STK10: variants seen among roughly 807,000 people sequenced by gnomAD.
STK10 encodes the protein serine/threonine-protein kinase 10.
In STK10, 78 loss-of-function variants were observed where a neutral mutation model predicts 113.8. The ratio of observed to expected loss-of-function variants is 0.69; its 90% confidence interval spans 0.57 to 0.83. The LOEUF (loss-of-function observed/expected upper bound fraction) is 0.83, where lower values mean the gene tolerates loss of function less well. STK10 is among the 40% of genes least tolerant of loss of function. STK10 has a pLI of 0.00. For synonymous variants in STK10, 465 were observed against 494.7 expected (o/e 0.94, Z 0.80); for missense variants, 1,109 against 1,280.1 (o/e 0.87, Z 2.04).
chr5:172,157,217 G>A (rs184642115), intron 1 of STK10, among the ~76,000 whole-genome samples: 1 of 152,250 alleles, frequency 6.6e-6, no homozygotes, highest in East Asian at 1.9e-4. Context: ...GGCTGGGGAG[G>A]GGCCAGAAAT....
chr5:172,051,026 T>A (rs1767614927), intron 18 of STK10, among the ~76,000 whole-genome samples: 4 of 151,344 alleles, frequency 2.6e-5, no homozygotes, highest in Admixed American at 2.6e-4. Flanking sequence ...GGCAGGAGAA[T>A]CGCTTGAACC....
chr5:172,104,570 C>G (rs929421369), intron 7 of STK10, among the ~76,000 whole-genome samples: 1 of 152,096 alleles, frequency 6.6e-6, no homozygotes, highest in Non-Finnish European at 1.5e-5. Context: ...AAATGGATGT[C>G]GATGCTGTGT....
Position 172,106,821 on chromosome 5 carries a change from C to A in STK10, c.594-7G>T. 1.2e-6 allele frequency: 2 copies of A among 1,612,646 alleles called. No homozygotes were observed. The highest frequency in any genetic ancestry group is 1.7e-6 in the Non-Finnish European group (2 of 1,179,004). On this transcript the variant is annotated splice_region_variant and splice_polypyrimidine_tract_variant and intron_variant, in intron 5 of 18. Coordinates refer to ENST00000176763, the MANE Select transcript of STK10 (RefSeq NM_005990.4). ...GACCACCTCGGGGGCCATCCTGAACCAACCAAGGGACAACATAGGGCTAAG... is the reference window on the plus strand; with the variant it reads ...GACCACCTCGGGGGCCATCCTGAACAAACCAAGGGACAACATAGGGCTAAG...
At chr5:172,083,823 G>A (rs566262244) in intron 10 of STK10, among the ~76,000 whole-genome samples, 10 of 151,312 alleles carry the variant, frequency 6.6e-5, no homozygotes, top group East Asian at 5.9e-4. Flanking sequence ...CAGGAGAATC[G>A]CTTGAACCTG....
chr5:172,048,951 T>G, intron 18 of STK10, among the ~76,000 whole-genome samples: 1 of 152,058 alleles, frequency 6.6e-6, no homozygotes, highest in East Asian at 1.9e-4. Flanking sequence ...CTCTTCCCTG[T>G]GCTGGGAATG....
chr5:172,114,289 C>CGTGTGTGT (rs111441878), intron 4 of STK10, among the ~76,000 whole-genome samples: 4,778 of 138,626 alleles, frequency 0.034, 88 homozygotes, highest in Middle Eastern at 0.043. Flanking sequence ...TAGCTACTCT[C>CGTGTGTGT]GTGTGTGTGT....
At chr5:172,102,439 G>A (rs919945310) in intron 7 of STK10, among the ~76,000 whole-genome samples, 7 of 152,184 alleles carry the variant, frequency 4.6e-5, no homozygotes, top group South Asian at 2.1e-4. Flanking sequence ...CTGGACCTCC[G>A]GGGAGTCAAC....
intron 1 of STK10, among the ~76,000 whole-genome samples, chr5:172,186,513 T>C (rs576501488): frequency 6.6e-6 from 1 of 151,916 alleles, no homozygotes; most frequent in Non-Finnish European, 1.5e-5. Context: ...ACCTAGCTAC[T>C]CCGAAGGCTG....
intron 4 of STK10, chr5:172,115,287 T>C (rs1473507): frequency 0.14 from 21,001 of 152,284 alleles, 1,484 homozygotes; most frequent in African/African-American, 0.16. Flanking sequence ...AGCCCTCCCC[T>C]GGGATTATTG....
intron 7 of STK10, among the ~76,000 whole-genome samples, chr5:172,099,804 A>G (rs1768941837): frequency 6.6e-6 from 1 of 152,202 alleles, no homozygotes; most frequent in Non-Finnish European, 1.5e-5. Flanking sequence ...AAATAAATAA[A>G]CACAGGCAGG....
chr5:172,090,494 C>T (rs944003863), intron 9 of STK10, 132 bp from the exon 10 acceptor site: 19 of 1,294,404 alleles, frequency 1.5e-5, no homozygotes, highest in East Asian at 7.2e-5. Context: ...GGCCATCCAT[C>T]GTCCCTCTTG....
intron 2 of STK10, among the ~76,000 whole-genome samples, chr5:172,141,352 A>G (rs150721637): frequency 0.011 from 1,686 of 152,156 alleles, 33 homozygotes; most frequent in African/African-American, 0.038. Context: ...CGAGGCGGGA[A>G]GATTGCTTGA....
chr5:172,087,194 CCT>C (rs1242818029), intron 10 of STK10, among the ~76,000 whole-genome samples: 1 of 144,482 alleles, frequency 6.9e-6, no homozygotes, highest in Non-Finnish European at 1.5e-5. Context: ...GTTTTTCCTC[CCT>C]CTGTCTCCTA....
Position 172,057,390 on chromosome 5 carries a change from A to G in STK10, c.2296T>C (p.Tyr766His), listed in dbSNP as rs1352280537. Reference sequence around the variant, plus strand: ...AGCAGCTCGTGCCGCTGGAGGAAGTACTGGTCTTTGAGCTGCTGCTTCACC... The same window carrying G: ...AGCAGCTCGTGCCGCTGGAGGAAGTGCTGGTCTTTGAGCTGCTGCTTCACC... ...QLVKQQLKDQ[Y>H]FLQRHELLRK... The change falls in exon 15 of 19, where the codon TAC becomes CAC. Residue 766 changes from tyrosine to histidine, a missense_variant. Around this residue, in one of 5 missense-constraint regions of STK10, gnomAD observed 885 missense variants for 991.1 expected, o/e 0.89. Transcript: ENST00000176763. The G allele has an allele frequency of 1.3e-6, 2 of 1,560,584 alleles. No individual in the cohort carries two copies. Among genetic ancestry groups the G allele is most frequent in the African/African-American group, 2.7e-5 (2 of 73,498 alleles).
At chr5:172,119,796 A>G (rs10476005) in intron 3 of STK10, among the ~76,000 whole-genome samples, 30,287 of 138,712 alleles carry the variant, frequency 0.22, 4,474 homozygotes, top group African/African-American at 0.41. Flanking sequence ...CCCGGGAGGC[A>G]GAGCTTGCAG....
chr5:172,105,679 G>T lies in STK10; in HGVS notation c.847C>A (p.Pro283Thr). Residue 283 changes from proline (P) to threonine (T), a missense_variant, in exon 7 of 19, where the codon CCC (proline) becomes ACC (threonine). Around this residue, in one of 5 missense-constraint regions of STK10, gnomAD observed 885 missense variants for 991.1 expected, o/e 0.89. Transcript: ENST00000176763. ...IALDKNPETR[P>T]SAAQLLEHPF... ...ACCTCCAGCAGCTGCGCGGCACTGGGTCGGGTTTCTGGGTTCTTATCCAGG... is the reference window on the plus strand; with the variant it reads ...ACCTCCAGCAGCTGCGCGGCACTGGTTCGGGTTTCTGGGTTCTTATCCAGG... 1 of 1,613,898 alleles carries T rather than the reference G, an allele frequency of 6.2e-7. No homozygotes were observed. The highest frequency in any genetic ancestry group is 8.5e-7 in the Non-Finnish European group (1 of 1,180,032).
intron 2 of STK10, among the ~76,000 whole-genome samples, chr5:172,137,724 C>CA (rs34773105): frequency 0.11 from 10,296 of 90,986 alleles, 1,191 homozygotes; most frequent in African/African-American, 0.31. Context: ...ACTAAAAATA[C>CA]AAAAAAAAAA....
intron 2 of STK10, among the ~76,000 whole-genome samples, chr5:172,136,640 A>T (rs982173265): frequency 1.3e-5 from 2 of 152,136 alleles, no homozygotes; most frequent in African/African-American, 4.8e-5. Context: ...GAAGTGAAAG[A>T]ATAGCTATTC....
intron 18 of STK10, among the ~76,000 whole-genome samples, chr5:172,051,805 G>A (rs918068834): frequency 6.6e-6 from 1 of 152,042 alleles, no homozygotes; most frequent in Non-Finnish European, 1.5e-5. Flanking sequence ...GTATCCATGC[G>A]AGTCAGCCAC....
Sources: gnomAD v4.1 joint callset for allele counts (sites outside exome capture counted in the v4.1 genomes callset) on GRCh38, gnomAD v4.1.1 for gene constraint, gnomAD v4.1.1 regional missense constraint, MANE v1.5 for transcripts, NCBI Gene and HGNC (gene_info 2026-07-23, HGNC 2026-07-21) for gene names.